The following DNA2 variants were observed in gnomAD, a reference collection of about 807,000 sequenced individuals.
The protein encoded by DNA2 is DNA replication ATP-dependent helicase/nuclease DNA2.
In DNA2, 101 loss-of-function variants were observed where a neutral mutation model predicts 119.1. That is an observed-to-expected ratio of 0.85 (90% CI 0.72 to 1.00). The LOEUF (loss-of-function observed/expected upper bound fraction) is 1.00. Among genes scored for constraint, DNA2 ranks in the 50% least tolerant of loss-of-function variants. DNA2 has a pLI of 0.00. For missense variants in DNA2, 1,121 were observed against 1,255.5 expected, an observed-to-expected ratio of 0.89 and a Z score of 1.62; for synonymous variants, 366 against 424.4, an observed-to-expected ratio of 0.86 and a Z score of 1.69.
intron 10 of DNA2, 40 bp from the exon 11 acceptor site, chr10:68,432,550 T>A (rs1354650365): frequency 9.0e-7 from 1 of 1,108,822 alleles, no homozygotes; most frequent in Non-Finnish European, 1.3e-6. Flanking sequence ...GCTCGCCATT[T>A]CGCATAGTCT....
chr10:68,464,065 T>A (rs1222837371), intron 4 of DNA2, among the ~76,000 whole-genome samples: 1 of 152,216 alleles, frequency 6.6e-6, no homozygotes, highest in Non-Finnish European at 1.5e-5. Flanking sequence ...GTACTGAAGA[T>A]GAAGGTTATC....
chr10:68,439,628 G>T (rs1009455763), intron 9 of DNA2, among the ~76,000 whole-genome samples: 1 of 151,480 alleles, frequency 6.6e-6, no homozygotes, highest in African/African-American at 2.4e-5. Flanking sequence ...ATCTGAGGTT[G>T]GGAGTTCAAG....
upstream of DNA2, chr10:68,471,998 T>A: frequency 1.2e-6 from 2 of 1,610,396 alleles, no homozygotes; most frequent in South Asian, 1.1e-5. Context: ...ATGTCCCAAA[T>A]GACCTGCGCC....
At chr10:68,463,614 T>C (rs375423886) in intron 4 of DNA2, among the ~76,000 whole-genome samples, 5 of 143,276 alleles carry the variant, frequency 3.5e-5, no homozygotes, top group African/African-American at 1.3e-4. Context: ...GAGCTTGCAG[T>C]GAGCCTAGTG....
chr10:68,471,557 A>G (rs1334197037), intron 1 of DNA2, among the ~76,000 whole-genome samples: 2 of 152,094 alleles, frequency 1.3e-5, no homozygotes, highest in Non-Finnish European at 2.9e-5. Context: ...GGTGAAATCA[A>G]GGGAAACAAT....
chr10:68,467,731 A>T (rs1425887421), intron 3 of DNA2, among the ~76,000 whole-genome samples: 1 of 152,178 alleles, frequency 6.6e-6, no homozygotes, highest in Non-Finnish European at 1.5e-5. Context: ...TTCTAGCAAA[A>T]TACATTTTTT....
At chr10:68,442,770 T>C (rs1590061819) in intron 9 of DNA2, 147 bp downstream of exon 9, 1 of 655,934 alleles carries the variant, frequency 1.5e-6, no homozygotes, top group Non-Finnish European at 2.6e-6. Flanking sequence ...TTAGAAACAA[T>C]AGAGAGCCAT....
chr10:68,424,575 T>A, intron 14 of DNA2: 2 of 989,050 alleles, frequency 2.0e-6, no homozygotes, highest in Non-Finnish European at 3.3e-6. Context: ...GTTCAATCCC[T>A]TCGTGAACTT....
intron 9 of DNA2, among the ~76,000 whole-genome samples, chr10:68,442,482 G>C (rs1010750881): frequency 3.1e-4 from 47 of 151,932 alleles, no homozygotes; most frequent in African/African-American, 1.1e-3. Context: ...CGCCTCCCAG[G>C]TTCAAGCGAT....
At chr10:68,442,373 C>T (rs1476382898) in intron 9 of DNA2, among the ~76,000 whole-genome samples, 1 of 151,684 alleles carries the variant, frequency 6.6e-6, no homozygotes, top group Non-Finnish European at 1.5e-5. Flanking sequence ...CGCCTGCCAC[C>T]ACGCCCGGCT....
At chr10:68,432,678 T>C (rs1023719016) in intron 10 of DNA2, among the ~76,000 whole-genome samples, 168 bp from the exon 11 acceptor site, 1 of 152,000 alleles carries the variant, frequency 6.6e-6, no homozygotes, top group Non-Finnish European at 1.5e-5. Flanking sequence ...CCTGGATTGG[T>C]GGGAAAAGGC....
At position 68,459,175 on chromosome 10, in the gene DNA2, CGAAG is replaced by C; in HGVS notation, c.644_647del (p.Pro215ArgfsTer41). 6.3e-7 allele frequency: 1 copy of C among 1,583,972 alleles called. No individual in the cohort carries two copies. On this transcript the variant is annotated frameshift_variant, in exon 5 of 21. Transcript: ENST00000358410. LOFTEE classifies it high-confidence loss of function. The stretch of plus-strand genomic sequence containing the variant: ...TGAAATCTCCTGCCCATTTACAAAA[CGAAG>C]GAAGATAGTCCTCTACTTCTTGTTT...
Position 68,422,398 on chromosome 10 carries a change from A to G in DNA2, c.2524T>C (p.Tyr842His). The change falls in exon 17 of 21, where the codon TAT (tyrosine) becomes CAT (histidine). Residue 842 changes from tyrosine (Y) to histidine (H), a missense_variant. Tyr to His is a moderately conservative substitution (Grantham distance 83). Transcript: ENST00000358410. ...GATCCACACTCCAGCTTGCCCTCATAGGTCAGCTTATTACTTAAGGACATA... is the reference window on the plus strand; with the variant it reads ...GATCCACACTCCAGCTTGCCCTCATGGGTCAGCTTATTACTTAAGGACATA... The part of the protein sequence containing the change: ...KIMSLSNKLT[Y>H]EGKLECGSDK... 6.2e-7 allele frequency: 1 copy of G among 1,613,854 alleles called. No individual in the cohort carries two copies. The highest frequency in any genetic ancestry group is 2.2e-5 in the East Asian group (1 of 44,884).
chr10:68,447,338 T>C (rs1027331071), intron 6 of DNA2, among the ~76,000 whole-genome samples: 1 of 151,720 alleles, frequency 6.6e-6, no homozygotes, highest in Non-Finnish European at 1.5e-5. Flanking sequence ...GCCAACATAG[T>C]GAAACCCTGT....
intron 13 of DNA2, 87 bp downstream of exon 13, chr10:68,431,775 C>A: frequency 1.2e-6 from 1 of 816,218 alleles, no homozygotes; most frequent in Admixed American, 2.6e-5. Context: ...AAAATTCAGC[C>A]CTTTTGATAT....
At chr10:68,461,257 T>G (rs146872126) in intron 4 of DNA2, 1 of 152,332 alleles carries the variant, frequency 6.6e-6, no homozygotes, top group Non-Finnish European at 1.5e-5. Context: ...AATACATTTT[T>G]TATCATTTTC....
At chr10:68,418,501 C>T (rs1252610628) in intron 19 of DNA2, among the ~76,000 whole-genome samples, 1 of 148,832 alleles carries the variant, frequency 6.7e-6, no homozygotes, top group Non-Finnish European at 1.5e-5. Context: ...AACCAGAATA[C>T]ATCTGCAGAA....
At chr10:68,443,829 T>C (rs1426140888) in intron 8 of DNA2, among the ~76,000 whole-genome samples, 5 of 151,988 alleles carry the variant, frequency 3.3e-5, no homozygotes, top group African/African-American at 9.7e-5. Flanking sequence ...CGGATGCCTG[T>C]AGTCCCAGCT....
intron 19 of DNA2, among the ~76,000 whole-genome samples, chr10:68,418,039 G>A (rs1406090466): frequency 1.3e-5 from 2 of 152,182 alleles, no homozygotes; most frequent in Non-Finnish European, 2.9e-5. Flanking sequence ...CAGAGTTTTA[G>A]ATTTGAAAAT....
Sources: gnomAD v4.1 joint callset for allele counts (sites outside exome capture counted in the v4.1 genomes callset) on GRCh38, gnomAD v4.1.1 for gene constraint, MANE v1.5 for transcripts, NCBI Gene and HGNC (gene_info 2026-07-23, HGNC 2026-07-21) for gene names.